Variants in ANKS1B observed in about 807,000 individuals in gnomAD.
The protein encoded by ANKS1B is ankyrin repeat and sterile alpha motif domain-containing protein 1B.
Under a neutral mutation model 148.3 loss-of-function variants are expected in ANKS1B, and 36 were observed. That is an observed-to-expected ratio of 0.24 (90% CI 0.19 to 0.32). ANKS1B has a LOEUF of 0.32. ANKS1B is among the 10% of genes least tolerant of loss of function. The pLI is 1.00. For synonymous variants in ANKS1B, 542 were observed against 560.8 expected, an observed-to-expected ratio of 0.97 and a Z score of 0.47; for missense variants, 1,157 against 1,542.6, an observed-to-expected ratio of 0.75 and a Z score of 4.19.
chr12:99,704,391 C>T (rs558381877), intron 8 of ANKS1B, among the ~76,000 whole-genome samples: 1 of 152,028 alleles, frequency 6.6e-6, no homozygotes, highest in South Asian at 2.1e-4. Context: ...AATGAGTATC[C>T]CTAGGGAGAA....
chr12:99,193,897 GTTCAAGCGATTCTC>G (rs1227716928), intron 14 of ANKS1B, among the ~76,000 whole-genome samples: 3 of 145,748 alleles, frequency 2.1e-5, no homozygotes, highest in African/African-American at 7.7e-5. Flanking sequence ...CACCTCCCAG[GTTCAAGCGATTCTC>G]CTGCCTCAGC....
At chr12:98,895,093 CG>C (rs893413124) in intron 17 of ANKS1B, 48 of 976,680 alleles carry the variant, frequency 4.9e-5, no homozygotes, top group Admixed American at 6.2e-5. Context: ...GGCGGCGAGG[CG>C]GGGGGGAGGT....
intron 12 of ANKS1B, among the ~76,000 whole-genome samples, chr12:99,397,697 A>G (rs1213336371): frequency 6.6e-6 from 1 of 152,138 alleles, no homozygotes; most frequent in Non-Finnish European, 1.5e-5. Flanking sequence ...CCGAATTTAT[A>G]TAACAGTCAT....
chr12:99,149,960 T>G (rs564404799), intron 15 of ANKS1B, among the ~76,000 whole-genome samples: 1 of 152,284 alleles, frequency 6.6e-6, no homozygotes, highest in African/African-American at 2.4e-5. Context: ...ATGTGTGATG[T>G]GCATGCAAAT....
intron 17 of ANKS1B, among the ~76,000 whole-genome samples, chr12:98,884,225 C>T (rs2099728891): frequency 6.6e-6 from 1 of 152,150 alleles, no homozygotes; most frequent in Admixed American, 6.5e-5. Flanking sequence ...TAAACTTTCC[C>T]ATCTTTAAAT....
At chr12:99,820,130 T>C (rs991973355) in intron 2 of ANKS1B, among the ~76,000 whole-genome samples, 1 of 151,982 alleles carries the variant, frequency 6.6e-6, no homozygotes, top group Non-Finnish European at 1.5e-5. Context: ...CATGATTTTT[T>C]CCTATCATTT....
chr12:98,998,443 A>G (rs2099930992), intron 17 of ANKS1B, among the ~76,000 whole-genome samples: 1 of 152,234 alleles, frequency 6.6e-6, no homozygotes. Flanking sequence ...GAAACCAATG[A>G]CTGAGCATTT....
chr12:99,739,467 G>C (rs1368397021), intron 8 of ANKS1B, among the ~76,000 whole-genome samples: 1 of 151,886 alleles, frequency 6.6e-6, no homozygotes, highest in African/African-American at 2.4e-5. Flanking sequence ...GGGACTAACT[G>C]TATAAGCTTT....
chr12:98,832,029 C>T lies in ANKS1B; in HGVS notation c.2886G>A (p.Arg962=). The change falls in exon 18 of 27, where the codon AGG becomes AGA. Residue 962 remains arginine (R), a splice_region_variant and synonymous_variant. Coordinates refer to ENST00000683438, the MANE Select transcript of ANKS1B (RefSeq NM_001352186.2). ...PQKPPRSITL[R]EPSGNHTPPQ... is the part of the protein sequence containing the mutation. ...CCAGATGAATGTGCTTGGCACTTAC[C>T]CTGAGGGTGATGGACCGAGGGGGCT... 1 of 1,584,858 alleles carries T rather than the reference C, an allele frequency of 6.3e-7. No individual in the cohort carries two copies. The highest frequency in any genetic ancestry group is 8.6e-7 in the Non-Finnish European group (1 of 1,164,832).
Position 99,458,300 on chromosome 12 carries a change from C to A in ANKS1B, c.1439-14491G>T, listed in dbSNP as rs572823290. 4.6e-5 allele frequency among the ~76,000 whole-genome samples: 7 copies of A among 151,880 alleles called. No homozygotes were observed. In the East Asian group the frequency reaches 1.4e-3, roughly 29 times the overall value. On this transcript the variant is annotated intron_variant, in intron 10 of 26. Coordinates refer to ENST00000683438, the MANE Select transcript of ANKS1B (RefSeq NM_001352186.2). The stretch of plus-strand genomic sequence containing the variant: ...GTGCTAAGAGAAAAGTTCATAGCAT[C>A]AAATGTCTACTTCAAAACATCTGAG...
intron 1 of ANKS1B, among the ~76,000 whole-genome samples, chr12:99,857,837 T>G (rs1399251615): frequency 2.0e-5 from 3 of 152,076 alleles, no homozygotes; most frequent in Non-Finnish European, 4.4e-5. Flanking sequence ...TAGCCACATG[T>G]AGGAGAATGA....
intron 1 of ANKS1B, among the ~76,000 whole-genome samples, chr12:99,948,969 C>T (rs896866033): frequency 6.6e-6 from 1 of 152,110 alleles, no homozygotes; most frequent in African/African-American, 2.4e-5. Context: ...ATAGGAGAAG[C>T]ACACAAATGA....
intron 15 of ANKS1B, among the ~76,000 whole-genome samples, chr12:99,133,696 T>C (rs1350445506): frequency 6.6e-6 from 1 of 152,240 alleles, no homozygotes; most frequent in Non-Finnish European, 1.5e-5. Context: ...TAAGAAGTTG[T>C]GGCCCAACTA....
chr12:99,195,200 A>G (rs2081250199), intron 14 of ANKS1B, among the ~76,000 whole-genome samples: 1 of 152,150 alleles, frequency 6.6e-6, no homozygotes, highest in African/African-American at 2.4e-5. Context: ...GCTAGCTGAG[A>G]ATTTTAAATT....
intron 1 of ANKS1B, among the ~76,000 whole-genome samples, chr12:99,860,136 C>CA (rs1332682590): frequency 6.6e-6 from 1 of 151,672 alleles, no homozygotes; most frequent in Non-Finnish European, 1.5e-5. Context: ...ACATGGAAAC[C>CA]AAAAAAAGTA....
chr12:99,639,926 CT>C (rs1213123691), intron 9 of ANKS1B, among the ~76,000 whole-genome samples: 14 of 152,186 alleles, frequency 9.2e-5, no homozygotes, highest in Admixed American at 2.0e-4. Context: ...AATCCCAGCA[CT>C]TTGGTAGGCC....
At chr12:99,635,865 G>T (rs1462892056) in intron 9 of ANKS1B, among the ~76,000 whole-genome samples, 1 of 151,968 alleles carries the variant, frequency 6.6e-6, no homozygotes, top group Admixed American at 6.6e-5. Context: ...TAGGACAACT[G>T]ATCATTAATT....
At chr12:99,539,864 AG>A (rs2097108478) in intron 9 of ANKS1B, among the ~76,000 whole-genome samples, 1 of 152,156 alleles carries the variant, frequency 6.6e-6, no homozygotes, top group Non-Finnish European at 1.5e-5. Flanking sequence ...CAAGCCACTG[AG>A]CCAAGCCAGA....
intron 9 of ANKS1B, among the ~76,000 whole-genome samples, chr12:99,562,734 G>T (rs1419420460): frequency 6.6e-6 from 1 of 152,172 alleles, no homozygotes; most frequent in Non-Finnish European, 1.5e-5. Flanking sequence ...ACTATCATGA[G>T]AAGAGTAGCA....
Sources: gnomAD v4.1 joint callset for allele counts (sites outside exome capture counted in the v4.1 genomes callset) on GRCh38, gnomAD v4.1.1 for gene constraint, MANE v1.5 for transcripts, NCBI Gene and HGNC (gene_info 2026-07-23, HGNC 2026-07-21) for gene names.